The following SLC22A8 variants were observed in gnomAD, a reference collection of about 807,000 sequenced individuals.
The protein encoded by SLC22A8 is solute carrier family 22 member 8.
Under a neutral mutation model 48.4 loss-of-function variants are expected in SLC22A8, and 40 were observed. The observed-to-expected ratio is 0.83, with a 90% CI of 0.64 to 1.08. The LOEUF (loss-of-function observed/expected upper bound fraction) is 1.08, where lower values mean the gene tolerates loss of function less well. Ranked by LOEUF, SLC22A8 falls within the 50% of genes least tolerant of loss-of-function variation. The probability of loss-of-function intolerance (pLI) is 0.00; values close to 1 mark genes in which losing one functional copy is unlikely to be tolerated. For synonymous variants in SLC22A8, 268 were observed against 286.3 expected (o/e 0.94, Z 0.65); for missense variants, 606 against 699.0 (o/e 0.87, Z 1.50).
intron 2 of SLC22A8, among the ~76,000 whole-genome samples, chr11:63,014,064 C>T (rs1474880610): frequency 1.3e-5 from 2 of 152,148 alleles, no homozygotes; most frequent in East Asian, 3.9e-4. Context: ...TGTGCGGTCC[C>T]TCCTCCACAG....
chr11:63,013,755 G>T (rs1371784705), intron 2 of SLC22A8, among the ~76,000 whole-genome samples: 1 of 152,160 alleles, frequency 6.6e-6, no homozygotes, highest in African/African-American at 2.4e-5. Flanking sequence ...CTTCAACGGA[G>T]CATCACGTTG....
At chr11:63,006,709 G>A (rs907101137) in intron 2 of SLC22A8, among the ~76,000 whole-genome samples, 5 of 139,764 alleles carry the variant, frequency 3.6e-5, no homozygotes, top group African/African-American at 1.1e-4. Context: ...CCAGGTTCAA[G>A]TGATTCTCCT....
intron 5 of SLC22A8, among the ~76,000 whole-genome samples, chr11:62,996,463 G>A (rs1020822575): frequency 6.6e-6 from 1 of 152,288 alleles, no homozygotes; most frequent in East Asian, 1.9e-4. Context: ...AGGTGGGGCT[G>A]GGGGAGGGGA....
chr11:63,014,444 T>G, intron 2 of SLC22A8, 182 bp downstream of exon 2: 1 of 518,052 alleles, frequency 1.9e-6, no homozygotes, highest in Non-Finnish European at 3.4e-6. Flanking sequence ...GGACTCTGAG[T>G]GGGAAGAAGC....
intron 2 of SLC22A8, among the ~76,000 whole-genome samples, chr11:63,004,637 T>TA (rs1240744918): frequency 6.6e-5 from 10 of 152,248 alleles, no homozygotes; most frequent in Non-Finnish European, 1.3e-4. Context: ...CAGTAGTGCT[T>TA]ATACCATCAG....
intron 5 of SLC22A8, among the ~76,000 whole-genome samples, chr11:62,997,507 C>T (rs2086436808): frequency 6.6e-6 from 1 of 152,162 alleles, no homozygotes; most frequent in African/African-American, 2.4e-5. Context: ...CAGCCGTGAG[C>T]CACTGCACCC....
Position 62,999,741 on chromosome 11 carries a change from C to T in SLC22A8, c.539G>A (p.Arg180His), listed in dbSNP as rs184280641. 25 of 1,605,834 alleles carry T rather than the reference C, an allele frequency of 1.6e-5. No homozygotes were observed. The East Asian group carries it at 2.7e-4, about 17-fold the overall frequency. ...SPTFPIYMVF[R>H]FLCGFGISGI... ...TGAGATGCCAAAGCCACACAGGAAG[C>T]GGAAGACCATGTAGATGGGGAAGGT... Residue 180 changes from arginine (R) to histidine (H), a missense_variant, in exon 4 of 11, where the codon CGC becomes CAC. By Grantham distance (29) the Arg-to-His change is conservative (BLOSUM62 0). Transcript: ENST00000336232.
intron 2 of SLC22A8, among the ~76,000 whole-genome samples, chr11:63,008,292 G>A (rs773354011): frequency 2.0e-5 from 3 of 152,176 alleles, no homozygotes; most frequent in South Asian, 2.1e-4. Context: ...CTGTGTGTGC[G>A]GGGAGCTGGC....
intron 2 of SLC22A8, among the ~76,000 whole-genome samples, chr11:63,001,638 C>A (rs986744126): frequency 6.6e-6 from 1 of 152,220 alleles, no homozygotes; most frequent in African/African-American, 2.4e-5. Flanking sequence ...GTCCTTGAAG[C>A]TTTCCCAGGG....
At chr11:62,999,910 T>G (rs1344626685) in intron 3 of SLC22A8, 68 bp from the exon 4 acceptor site, 2 of 1,348,546 alleles carry the variant, frequency 1.5e-6, no homozygotes, top group African/African-American at 1.5e-5. Context: ...TGACTCTGCA[T>G]GCTGTGGGGC....
chr11:62,993,889 A>G lies in SLC22A8; in HGVS notation c.1217-11T>C. On this transcript the variant is annotated splice_polypyrimidine_tract_variant and intron_variant, in intron 8 of 10. Coordinates refer to ENST00000336232, the MANE Select transcript of SLC22A8 (RefSeq NM_004254.4). ...TCACGGTCTGCAAGTCTGCAGAGGG[A>G]AGAAAATGTGGTGGGCCTTGGAGTT... 1.3e-6 allele frequency: 2 copies of G among 1,564,832 alleles called. No individual in the cohort carries two copies. Among genetic ancestry groups the G allele is most frequent in the Non-Finnish European group, 1.8e-6 (2 of 1,135,116 alleles).
At chr11:63,013,909 A>G (rs1299764921) in intron 2 of SLC22A8, among the ~76,000 whole-genome samples, 1 of 152,074 alleles carries the variant, frequency 6.6e-6, no homozygotes, top group East Asian at 1.9e-4. Flanking sequence ...GTCTGATTTA[A>G]CTCTGGATTT....
At chr11:63,000,489 GAAA>G (rs59363642) in intron 3 of SLC22A8, among the ~76,000 whole-genome samples, 5 of 88,364 alleles carry the variant, frequency 5.7e-5, no homozygotes, top group East Asian at 6.9e-4. Flanking sequence ...CGTCTTAAGA[GAAA>G]AAAAAAAAAA....
At chr11:62,996,196 G>A in intron 5 of SLC22A8, 44 bp from the exon 6 acceptor site, 1 of 1,549,290 alleles carries the variant, frequency 6.5e-7, no homozygotes. Context: ...CCACTCCAGA[G>A]CCCCTTTTGA....
At chr11:63,003,049 C>T (rs2086516389) in intron 2 of SLC22A8, among the ~76,000 whole-genome samples, 1 of 152,092 alleles carries the variant, frequency 6.6e-6, no homozygotes, top group Non-Finnish European at 1.5e-5. Context: ...GCCTGTCTTG[C>T]CTAAAGTGCT....
intron 2 of SLC22A8, among the ~76,000 whole-genome samples, chr11:63,007,500 A>G (rs1409361255): frequency 6.6e-6 from 1 of 152,006 alleles, no homozygotes; most frequent in East Asian, 1.9e-4. Context: ...TAATTTTTGT[A>G]TTTTTAGTAG....
chr11:63,012,967 A>C (rs1223487738), intron 2 of SLC22A8, among the ~76,000 whole-genome samples: 2 of 152,086 alleles, frequency 1.3e-5, no homozygotes, highest in African/African-American at 4.8e-5. Flanking sequence ...GAGAGCAGCA[A>C]ATGTCATGGT....
chr11:63,010,850 T>C (rs962394705), intron 2 of SLC22A8, among the ~76,000 whole-genome samples: 1 of 152,162 alleles, frequency 6.6e-6, no homozygotes, highest in Non-Finnish European at 1.5e-5. Context: ...AACCTCTCTC[T>C]CCGTCTGGCC....
At chr11:63,008,649 C>T (rs568067816) in intron 2 of SLC22A8, among the ~76,000 whole-genome samples, 1 of 152,262 alleles carries the variant, frequency 6.6e-6, no homozygotes, top group African/African-American at 2.4e-5. Context: ...ACAATAGGCA[C>T]TCAATTCACA....
Sources: gnomAD v4.1 joint callset for allele counts (sites outside exome capture counted in the v4.1 genomes callset) on GRCh38, gnomAD v4.1.1 for gene constraint, MANE v1.5 for transcripts, NCBI Gene and HGNC (gene_info 2026-07-23, HGNC 2026-07-21) for gene names.